PSTPIP1: variants seen among roughly 807,000 people sequenced by gnomAD.
The protein encoded by PSTPIP1 is proline-serine-threonine phosphatase-interacting protein 1.
Under a neutral mutation model 69.6 loss-of-function variants are expected in PSTPIP1, and 66 were observed. The observed-to-expected ratio is 0.95, with a 90% CI of 0.78 to 1.16. The LOEUF (loss-of-function observed/expected upper bound fraction) is 1.16. Ranked by LOEUF, PSTPIP1 falls within the 50% of genes most tolerant of loss-of-function variation. The pLI, the probability that PSTPIP1 is intolerant of heterozygous loss-of-function variation, is 0.00. For synonymous variants in PSTPIP1, 266 were observed against 222.7 expected (o/e 1.19, Z -1.73); for missense variants, 603 against 557.4 (o/e 1.08, Z -0.82).
At chr15:77,005,367 C>T (rs921978314) in intron 1 of PSTPIP1, among the ~76,000 whole-genome samples, 8 of 152,164 alleles carry the variant, frequency 5.3e-5, no homozygotes, top group African/African-American at 1.9e-4. Context: ...GCCTGGGCAA[C>T]AAGAGCAAAC....
intron 2 of PSTPIP1, 104 bp from the exon 3 acceptor site, chr15:77,018,353 G>T (rs928788305): frequency 2.0e-6 from 3 of 1,536,082 alleles, no homozygotes; most frequent in Non-Finnish European, 1.8e-6. Flanking sequence ...AACTCTGTCA[G>T]AACACGCCCT....
At chr15:77,025,934 T>G (rs1326206281) in intron 5 of PSTPIP1, among the ~76,000 whole-genome samples, 1 of 152,164 alleles carries the variant, frequency 6.6e-6, no homozygotes, top group Non-Finnish European at 1.5e-5. Flanking sequence ...CAGTCTGAGT[T>G]GTGGGGGTCA....
At chr15:77,018,331 C>T in intron 2 of PSTPIP1, 83 bp downstream of exon 2, 1 of 1,533,332 alleles carries the variant, frequency 6.5e-7, no homozygotes, top group Non-Finnish European at 8.8e-7. Flanking sequence ...GACGAGGCCC[C>T]CATCCCAGCC....
At chr15:77,034,092 G>C (rs2076493225) in intron 12 of PSTPIP1, among the ~76,000 whole-genome samples, 1 of 152,134 alleles carries the variant, frequency 6.6e-6, no homozygotes, top group African/African-American at 2.4e-5. Flanking sequence ...CTGCTGGAGG[G>C]GGCTGGTCAG....
chr15:76,999,263 C>T (rs2075646499), intron 1 of PSTPIP1, among the ~76,000 whole-genome samples: 1 of 151,856 alleles, frequency 6.6e-6, no homozygotes, highest in South Asian at 2.1e-4. Flanking sequence ...TTCCTGAACC[C>T]ATTTTTTACT....
chr15:77,027,030 A>T lies in PSTPIP1; in HGVS notation c.355-822A>T, dbSNP rs189414712. ...TGCCACAGAGCAAGGACATGTGCTT[A>T]CAGGATGGTGCACACGTGCCTACGC... On this transcript the variant is annotated intron_variant, in intron 5 of 14. Transcript: ENST00000558012. The surrounding 1 kb of genome is among the most constrained non-coding windows in gnomAD (Gnocchi z 4.3). 3.3e-3 allele frequency among the ~76,000 whole-genome samples: 507 copies of T among 152,362 alleles called. 1 individual carries two copies. Among genetic ancestry groups the T allele is most frequent in the Admixed American group, 6.2e-3 (95 of 15,310 alleles).
At chr15:76,996,218 C>T (rs1432936780) in intron 1 of PSTPIP1, among the ~76,000 whole-genome samples, 3 of 152,218 alleles carry the variant, frequency 2.0e-5, no homozygotes, top group Non-Finnish European at 2.9e-5. Context: ...TGGGCAATGG[C>T]TTGCTTACTT....
At chr15:77,031,017 G>A (rs2152687955) in intron 9 of PSTPIP1, among the ~76,000 whole-genome samples, 163 bp from the exon 10 acceptor site, 1 of 152,298 alleles carries the variant, frequency 6.6e-6, no homozygotes, top group Admixed American at 6.5e-5. Context: ...CTCAGGGCTG[G>A]CCCGGAGTCG....
Position 77,008,089 on chromosome 15 carries a change from G to A in PSTPIP1, c.37-10059G>A, listed in dbSNP as rs184566526. 3.0e-3 allele frequency: 1,385 copies of A among 456,014 alleles called. 9 individuals are homozygous for A. The highest frequency in any genetic ancestry group is 4.1e-3 in the Non-Finnish European group (925 of 226,918). 28.2% of individuals were successfully genotyped at this position (456,014 alleles called of 1,614,324 possible). A position where few individuals can be genotyped will look rare whatever the true frequency, so the allele number is the denominator to read the frequency against. On this transcript the variant is annotated intron_variant, in intron 1 of 14. Coordinates refer to ENST00000558012, the MANE Select transcript of PSTPIP1 (RefSeq NM_003978.5). ...AGGCAAGCAGAGCTGGGGGTGGAGG[G>A]CGGGAGATCAGCACAGAAGTCTGGA...
chr15:77,020,660 G>C (rs1317399983), intron 3 of PSTPIP1, among the ~76,000 whole-genome samples: 2 of 152,188 alleles, frequency 1.3e-5, no homozygotes, highest in African/African-American at 4.8e-5. Flanking sequence ...AGCACAGTGA[G>C]GGTGACTTCC....
rs1381419988 is a variant in PSTPIP1 at position 77,025,608 on chromosome 15, A to AG, written c.354+6dup. The AG allele has an allele frequency of 6.5e-7, 1 of 1,538,766 alleles. No individual in the cohort carries two copies. Among genetic ancestry groups the AG allele is most frequent in the South Asian group, 1.2e-5 (1 of 83,814 alleles). On this transcript the variant is annotated splice_donor_region_variant and intron_variant, in intron 5 of 14. Coordinates refer to ENST00000558012, the MANE Select transcript of PSTPIP1 (RefSeq NM_003978.5). ...GCAGAAGGAGCAGAGGAAGAAGGTG[A>AG]GGCAGGTGCAGGGGGCGGGGGAGCT...
chr15:76,995,180 C>T lies in PSTPIP1; in HGVS notation c.-394C>T. ...TGCCTGCCTGCCTGCCTGGCCCGGC[C>T]CGAGCTCCAGCCTGCCTCTTCCACT... On this transcript the variant is annotated 5_prime_UTR_variant, in exon 1 of 15. Coordinates refer to ENST00000558012, the MANE Select transcript of PSTPIP1 (RefSeq NM_003978.5). The T allele has an allele frequency of 2.1e-6, 2 of 965,382 alleles. No individual in the cohort carries two copies. Among genetic ancestry groups the T allele is most frequent in the Non-Finnish European group, 2.7e-6 (2 of 749,900 alleles). 59.8% of individuals were successfully genotyped at this position (965,382 alleles called of 1,614,324 possible). A position where few individuals can be genotyped will look rare whatever the true frequency, so the allele number is the denominator to read the frequency against.
At chr15:77,008,819 G>T (rs1231979324) in intron 1 of PSTPIP1, among the ~76,000 whole-genome samples, 3 of 152,166 alleles carry the variant, frequency 2.0e-5, no homozygotes, top group Non-Finnish European at 2.9e-5. Flanking sequence ...GGGGTAGGGG[G>T]AGCATCTGAC....
In PSTPIP1 at chr15:77,028,581, C is replaced by G; in HGVS notation, c.445C>G (p.Arg149Gly). 1 of 1,603,146 alleles carries G rather than the reference C, an allele frequency of 6.2e-7. No homozygotes were observed. Residue 149 changes from arginine to glycine, a missense_variant, in exon 7 of 15, where the codon CGG (arginine) becomes GGG (glycine). Coordinates refer to ENST00000558012, the MANE Select transcript of PSTPIP1 (RefSeq NM_003978.5). ...CAAGAAGACATACGAGCAGAAGTGC[C>G]GGGACGCGGACGACGCGGAGCAGGC... is the stretch of plus-strand genomic sequence containing the variant. ...ESKKTYEQKC[R>G]DADDAEQAFE... is the part of the protein sequence containing the mutation.
At chr15:77,012,148 TCCATCCATCCACCCAC>T (rs1361139266) in intron 1 of PSTPIP1, among the ~76,000 whole-genome samples, 21 of 122,462 alleles carry the variant, frequency 1.7e-4, no homozygotes, top group Non-Finnish European at 2.6e-4. Flanking sequence ...CATCCATCCA[TCCATCCATCCACCCAC>T]CCACCCACCC....
chr15:77,020,415 C>T (rs2076136943), intron 3 of PSTPIP1, among the ~76,000 whole-genome samples: 1 of 152,126 alleles, frequency 6.6e-6, no homozygotes, highest in Admixed American at 6.5e-5. Flanking sequence ...TGCCAAGCCA[C>T]AGGGGTTCAC....
At chr15:76,995,635 G>C in intron 1 of PSTPIP1, 26 bp downstream of exon 1, 3 of 1,612,870 alleles carry the variant, frequency 1.9e-6, no homozygotes, top group Non-Finnish European at 2.5e-6. Context: ...TGGGGGCACT[G>C]AACAAGTGGA....
chr15:77,005,532 A>G (rs1038286645), intron 1 of PSTPIP1, among the ~76,000 whole-genome samples: 2 of 152,218 alleles, frequency 1.3e-5, no homozygotes, highest in African/African-American at 4.8e-5. Flanking sequence ...CATAAAATTG[A>G]CCATTTTAAC....
intron 12 of PSTPIP1, 63 bp downstream of exon 12, chr15:77,033,015 C>T: frequency 6.8e-7 from 1 of 1,476,822 alleles, no homozygotes; most frequent in Non-Finnish European, 9.3e-7. Flanking sequence ...CGAGCCCCTC[C>T]TCTGCACCTG....
Sources: allele counts gnomAD v4.1 joint callset (sites outside exome capture counted in the v4.1 genomes callset), GRCh38; gene constraint gnomAD v4.1.1; non-coding constraint Gnocchi (gnomAD v3.1); transcripts MANE v1.5; gene names NCBI Gene and HGNC (gene_info 2026-07-23, HGNC 2026-07-21).